STAM2: variants seen among roughly 807,000 people sequenced by gnomAD.
STAM2 encodes the protein signal transducing adapter molecule 2.
STAM2 carries 51 observed loss-of-function variants against 65.6 expected under a neutral mutation model. The observed-to-expected ratio is 0.78, with a 90% CI of 0.62 to 0.98. The LOEUF (loss-of-function observed/expected upper bound fraction) is 0.98. Ranked by LOEUF, STAM2 falls within the 50% of genes least tolerant of loss-of-function variation. The pLI is 0.00. For missense variants in STAM2, 584 were observed against 617.8 expected (o/e 0.95, Z 0.58); for synonymous variants, 198 against 208.4 (o/e 0.95, Z 0.43).
At chr2:152,132,250 A>C in intron 10 of STAM2, 82 bp from the exon 11 acceptor site, 2 of 942,670 alleles carry the variant, frequency 2.1e-6, no homozygotes, top group Non-Finnish European at 3.4e-6. Context: ...ATATAGCACC[A>C]ATATACAACA....
In STAM2 at chr2:152,118,139, T is replaced by C. The variant is rs1360492747; in HGVS notation, c.*2435A>G. 1 of 152,102 alleles carries C rather than the reference T, an allele frequency of 6.6e-6. No homozygotes were observed. The highest frequency in any genetic ancestry group is 2.4e-5 in the African/African-American group (1 of 41,454). 9.4% of individuals were successfully genotyped at this position (152,102 alleles called of 1,614,324 possible). On this transcript the variant is annotated 3_prime_UTR_variant, in exon 14 of 14. Transcript: ENST00000263904. ...GAAAAAGCAGAAGCTATTTTTTTATTTCTGATATAAAACAGTAAGTATGAA... is the reference window on the plus strand; with the variant it reads ...GAAAAAGCAGAAGCTATTTTTTTATCTCTGATATAAAACAGTAAGTATGAA...
intron 1 of STAM2, among the ~76,000 whole-genome samples, chr2:152,158,384 G>T (rs1335522609): frequency 6.6e-6 from 1 of 152,082 alleles, no homozygotes; most frequent in African/African-American, 2.4e-5. Context: ...GCTGAGGCAG[G>T]AGAATCACTT....
chr2:152,128,613 C>A (rs1208232972), intron 11 of STAM2, among the ~76,000 whole-genome samples: 1 of 152,074 alleles, frequency 6.6e-6, no homozygotes, highest in Non-Finnish European at 1.5e-5. Flanking sequence ...GACACAATCC[C>A]AGAGTAATAA....
chr2:152,175,302 ACT>A (rs1689993132), intron 1 of STAM2, among the ~76,000 whole-genome samples: 1 of 152,148 alleles, frequency 6.6e-6, no homozygotes, highest in African/African-American at 2.4e-5. Context: ...CAACTCCACA[ACT>A]ACTTAATCAG....
At chr2:152,127,414 TAAAAA>T (rs942685165) in intron 11 of STAM2, among the ~76,000 whole-genome samples, 5 of 152,120 alleles carry the variant, frequency 3.3e-5, no homozygotes, top group Admixed American at 2.6e-4. Flanking sequence ...ATTCAATTAT[TAAAAA>T]GAAAATTCTC....
chr2:152,160,171 C>T (rs1178807551), intron 1 of STAM2, among the ~76,000 whole-genome samples: 1 of 152,162 alleles, frequency 6.6e-6, no homozygotes, highest in African/African-American at 2.4e-5. Context: ...AAGTGAGGAG[C>T]GTCTCTGCCT....
chr2:152,130,473 G>A (rs925900437), intron 11 of STAM2, among the ~76,000 whole-genome samples: 2 of 151,898 alleles, frequency 1.3e-5, no homozygotes, highest in African/African-American at 2.4e-5. Flanking sequence ...GGATGGTCTC[G>A]ATCTCCTGAC....
chr2:152,144,208 ATTAT>A lies in STAM2; in HGVS notation c.518-199_518-196del, dbSNP rs903187862. Among the ~76,000 whole-genome samples the A allele has an allele frequency of 5.1e-4, 77 of 152,262 alleles. 1 individual carries two copies. In the Middle Eastern group the frequency reaches 0.017, roughly 34 times the overall value. ...AAAATAAAGTTTTTGCTCATTCTTT[ATTAT>A]CACGGTCTGTCATACACAGCAGCAA... On this transcript the variant is annotated intron_variant, in intron 6 of 13. Coordinates refer to ENST00000263904, the MANE Select transcript of STAM2 (RefSeq NM_005843.6).
chr2:152,127,937 A>C (rs1688989325), intron 11 of STAM2, among the ~76,000 whole-genome samples: 1 of 152,134 alleles, frequency 6.6e-6, no homozygotes. Flanking sequence ...AAACACAGAG[A>C]GGCAACAAGC....
intron 1 of STAM2, among the ~76,000 whole-genome samples, chr2:152,162,173 A>G (rs957623502): frequency 2.6e-5 from 4 of 152,204 alleles, no homozygotes; most frequent in Non-Finnish European, 5.9e-5. Context: ...CTGAGTACTG[A>G]ATGACAGATA....
chr2:152,129,998 A>T (rs906778809), intron 11 of STAM2, among the ~76,000 whole-genome samples: 1 of 152,192 alleles, frequency 6.6e-6, no homozygotes, highest in Non-Finnish European at 1.5e-5. Context: ...GGCAGAAAAG[A>T]AGTAGTTTAT....
intron 1 of STAM2, among the ~76,000 whole-genome samples, chr2:152,161,028 T>A (rs1234728005): frequency 1.3e-5 from 2 of 152,146 alleles, no homozygotes; most frequent in East Asian, 3.9e-4. Context: ...TGGGCCATGA[T>A]GACGGTGGCG....
intron 4 of STAM2, 136 bp from the exon 5 acceptor site, chr2:152,147,444 C>A: frequency 1.2e-6 from 1 of 815,382 alleles, no homozygotes; most frequent in Admixed American, 3.5e-5. Context: ...AATTTCTAGC[C>A]TAGTTGAGTA....
intron 7 of STAM2, among the ~76,000 whole-genome samples, chr2:152,135,921 C>T (rs560061972): frequency 4.0e-4 from 61 of 151,986 alleles, no homozygotes; most frequent in African/African-American, 1.3e-3. Context: ...GAAACCTCAT[C>T]TCTATTAAAA....
rs1310647085 is a variant in STAM2 at position 152,150,173 on chromosome 2, A to G, written c.97T>C (p.Cys33Arg). ...TEDWSLIMDI[C>R]DKVGSTPNGA... Reference sequence around the variant, plus strand: ...TTAGGAGTACTTCCAACTTTGTCACATATGTCCATAATAAGACTCCAATCT... The same window carrying G: ...TTAGGAGTACTTCCAACTTTGTCACGTATGTCCATAATAAGACTCCAATCT... The change falls in exon 2 of 14, where the codon TGT becomes CGT. Residue 33 changes from cysteine (C) to arginine (R), a missense_variant. Coordinates refer to ENST00000263904, the MANE Select transcript of STAM2 (RefSeq NM_005843.6). 6.2e-7 allele frequency: 1 copy of G among 1,613,600 alleles called. No individual in the cohort carries two copies.
At chr2:152,147,099 T>A in intron 5 of STAM2, 63 bp downstream of exon 5, 1 of 1,447,760 alleles carries the variant, frequency 6.9e-7, no homozygotes, top group Non-Finnish European at 9.2e-7. Context: ...GCCTAGTCTT[T>A]ACATAACATA....
chr2:152,145,214 G>A (rs958023449), intron 5 of STAM2, among the ~76,000 whole-genome samples: 5 of 152,080 alleles, frequency 3.3e-5, no homozygotes, highest in South Asian at 4.1e-4. Context: ...GGAACTAGAG[G>A]TGTATGCATC....
intron 1 of STAM2, among the ~76,000 whole-genome samples, chr2:152,167,072 AT>A (rs1193958893): frequency 2.0e-5 from 3 of 152,202 alleles, no homozygotes; most frequent in Admixed American, 6.5e-5. Flanking sequence ...ACATAATAAA[AT>A]TTTTTAAATC....
chr2:152,147,119 A>G, intron 5 of STAM2, 43 bp downstream of exon 5: 1 of 1,537,304 alleles, frequency 6.5e-7, no homozygotes, highest in Non-Finnish European at 8.7e-7. Context: ...ACATACCTTC[A>G]AAATATTATA....
Sources: gnomAD v4.1 joint callset for allele counts (sites outside exome capture counted in the v4.1 genomes callset) on GRCh38, gnomAD v4.1.1 for gene constraint, MANE v1.5 for transcripts, NCBI Gene and HGNC (gene_info 2026-07-23, HGNC 2026-07-21) for gene names.